GRXCR1: variants seen among roughly 807,000 people sequenced by gnomAD.
GRXCR1 encodes glutaredoxin and cysteine rich domain containing 1, also known as glutaredoxin domain-containing cysteine-rich protein 1.
In GRXCR1, 27 loss-of-function variants were observed where a neutral mutation model predicts 27.3. The observed-to-expected ratio is 0.99, with a 90% confidence interval of 0.73 to 1.37. The LOEUF is 1.37. Among genes scored for constraint, GRXCR1 ranks in the 40% most tolerant of loss-of-function variants. The pLI, the probability that GRXCR1 is intolerant of heterozygous loss-of-function variation, is 0.00. For synonymous variants in GRXCR1, 122 were observed against 131.1 expected (o/e 0.93, Z 0.47); for missense variants, 379 against 354.4 (o/e 1.07, Z -0.56).
intron 3 of GRXCR1, among the ~76,000 whole-genome samples, chr4:43,021,368 C>T (rs1303815731): frequency 6.6e-6 from 1 of 152,088 alleles, no homozygotes; most frequent in Non-Finnish European, 1.5e-5. Context: ...CTTTGAATTC[C>T]TATAACCCTC....
At chr4:42,928,321 A>G (rs1560652560) in intron 1 of GRXCR1, among the ~76,000 whole-genome samples, 1 of 151,962 alleles carries the variant, frequency 6.6e-6, no homozygotes, top group Admixed American at 6.6e-5. Flanking sequence ...AAGTATAAAG[A>G]ATACCCATCC....
chr4:42,966,562 A>G (rs1334073636), intron 2 of GRXCR1, among the ~76,000 whole-genome samples: 1 of 152,076 alleles, frequency 6.6e-6, no homozygotes, highest in African/African-American at 2.4e-5. Flanking sequence ...CTGTAGGTAT[A>G]TTTCTAAGGA....
intron 1 of GRXCR1, among the ~76,000 whole-genome samples, chr4:42,917,607 G>A (rs1467118724): frequency 1.3e-5 from 2 of 152,102 alleles, no homozygotes; most frequent in African/African-American, 4.8e-5. Flanking sequence ...TGAAGCAGGT[G>A]GCCAGTCAGG....
At chr4:43,012,600 T>C (rs564364599) in intron 2 of GRXCR1, among the ~76,000 whole-genome samples, 4 of 152,138 alleles carry the variant, frequency 2.6e-5, no homozygotes, top group Non-Finnish European at 5.9e-5. Context: ...GAGTTCATAT[T>C]ATGTGTCATG....
intron 2 of GRXCR1, among the ~76,000 whole-genome samples, chr4:42,979,969 C>A (rs1370745832): frequency 6.6e-6 from 1 of 151,842 alleles, no homozygotes; most frequent in East Asian, 1.9e-4. Context: ...TGATAAGTAT[C>A]TCTTATGACC....
At chr4:42,949,710 T>C (rs1430643092) in intron 1 of GRXCR1, among the ~76,000 whole-genome samples, 2 of 152,204 alleles carry the variant, frequency 1.3e-5, no homozygotes, top group Non-Finnish European at 2.9e-5. Context: ...AGCTCTTACT[T>C]CCCTGGAGTT....
At chr4:42,956,802 A>G (rs1004943725) in intron 1 of GRXCR1, among the ~76,000 whole-genome samples, 11 of 152,160 alleles carry the variant, frequency 7.2e-5, no homozygotes, top group Middle Eastern at 6.8e-3. Context: ...TGCAGTGTGT[A>G]TCTTGCACAA....
chr4:42,998,876 A>C (rs565880180), intron 2 of GRXCR1, among the ~76,000 whole-genome samples: 1 of 152,350 alleles, frequency 6.6e-6, no homozygotes, highest in South Asian at 2.1e-4. Flanking sequence ...TTAAAAAATG[A>C]TTGGCAAATT....
chr4:42,962,923 T>C lies in GRXCR1; in HGVS notation c.416T>C (p.Val139Ala). Residue 139 changes from valine (V) to alanine (A), a missense_variant, in exon 2 of 4, where the codon GTA becomes GCA. Coordinates refer to ENST00000399770, the MANE Select transcript of GRXCR1 (RefSeq NM_001080476.3). The part of the protein sequence containing the change: ...QPSTDLEFDR[V>A]VIYTTCLRVV... ...TCAACTGATCTAGAATTTGACCGTG[T>C]AGTGATTTATACCACCTGCCTTCGT... 3.1e-6 allele frequency: 5 copies of C among 1,612,628 alleles called. No homozygotes were observed. The highest frequency in any genetic ancestry group is 3.4e-6 in the Non-Finnish European group (4 of 1,178,916).
rs755618984 is a variant in GRXCR1 at position 42,893,494 on chromosome 4, C to T, written c.228C>T (p.Asp76=). The T allele has an allele frequency of 5.0e-6, 8 of 1,613,768 alleles. No individual in the cohort carries two copies. In the Admixed American group the frequency reaches 1.2e-4, roughly 24 times the overall value. The change falls in exon 1 of 4, where the codon GAC becomes GAT. Residue 76 remains aspartate (D), a synonymous_variant. Transcript: ENST00000399770. The part of the protein sequence containing the change: ...IESEGDENEN[D]QDSLLVLARA... Reference sequence around the variant, plus strand: ...CAGAAGGTGATGAGAATGAGAATGACCAGGATAGCTTGCTGGTGTTAGCAA... The same window carrying T: ...CAGAAGGTGATGAGAATGAGAATGATCAGGATAGCTTGCTGGTGTTAGCAA...
chr4:43,024,436 C>T (rs1396084738), intron 3 of GRXCR1, among the ~76,000 whole-genome samples: 2 of 151,966 alleles, frequency 1.3e-5, no homozygotes, highest in Admixed American at 1.3e-4. Context: ...AGGGGGTGGC[C>T]ATAGCCTGTT....
At chr4:42,988,265 A>G (rs1711844292) in intron 2 of GRXCR1, among the ~76,000 whole-genome samples, 1 of 152,224 alleles carries the variant, frequency 6.6e-6, no homozygotes, top group African/African-American at 2.4e-5. Flanking sequence ...TTATAATGCA[A>G]AATGAGGAAT....
At chr4:42,992,445 T>C (rs946617570) in intron 2 of GRXCR1, among the ~76,000 whole-genome samples, 2 of 152,148 alleles carry the variant, frequency 1.3e-5, no homozygotes, top group African/African-American at 4.8e-5. Context: ...CATTATATGT[T>C]ATGTATAATG....
At chr4:42,901,632 A>G (rs981936395) in intron 1 of GRXCR1, among the ~76,000 whole-genome samples, 2 of 152,204 alleles carry the variant, frequency 1.3e-5, no homozygotes, top group African/African-American at 4.8e-5. Flanking sequence ...GTGTAAAGAA[A>G]TATATTCATA....
rs200165133 is a variant in GRXCR1, at chr4:42,981,341, GC to G, written c.627+18214del. On this transcript the variant is annotated intron_variant, in intron 2 of 3. Coordinates refer to ENST00000399770, the MANE Select transcript of GRXCR1 (RefSeq NM_001080476.3). ...CCTCTCCAATTTTACTCCACAATGTGCCCCCCCATATTTTGAATTTTTGATG... is the reference window on the plus strand; with the variant it reads ...CCTCTCCAATTTTACTCCACAATGTGCCCCCCATATTTTGAATTTTTGATG... Among the ~76,000 whole-genome samples, 6 of 151,634 alleles carry G rather than the reference GC, an allele frequency of 4.0e-5. No individual in the cohort carries two copies. In the South Asian group the frequency reaches 8.4e-4, roughly 21 times the overall value.
At chr4:42,971,797 A>T (rs558630718) in intron 2 of GRXCR1, among the ~76,000 whole-genome samples, 30 of 152,260 alleles carry the variant, frequency 2.0e-4, no homozygotes, top group African/African-American at 7.0e-4. Context: ...GTCTCAAAAA[A>T]AAAATGCTCA....
intron 1 of GRXCR1, among the ~76,000 whole-genome samples, chr4:42,924,273 C>T (rs1306136087): frequency 1.3e-5 from 2 of 152,008 alleles, no homozygotes; most frequent in Admixed American, 6.6e-5. Flanking sequence ...TTATGTGAAA[C>T]AATGCTTGGA....
intron 2 of GRXCR1, among the ~76,000 whole-genome samples, chr4:42,974,764 GT>G (rs1748472080): frequency 6.6e-6 from 1 of 152,120 alleles, no homozygotes; most frequent in South Asian, 2.1e-4. Flanking sequence ...TGAATGCCTG[GT>G]TGGGGATCTT....
intron 1 of GRXCR1, among the ~76,000 whole-genome samples, chr4:42,899,876 A>G (rs1560641285): frequency 6.6e-6 from 1 of 152,152 alleles, no homozygotes; most frequent in Non-Finnish European, 1.5e-5. Flanking sequence ...AATCCTATGA[A>G]TCTGTCTGAA....
Sources: gnomAD v4.1 joint callset for allele counts (sites outside exome capture counted in the v4.1 genomes callset) on GRCh38, gnomAD v4.1.1 for gene constraint, MANE v1.5 for transcripts, NCBI Gene and HGNC (gene_info 2026-07-23, HGNC 2026-07-21) for gene names.